Variants in ACYP2 observed in about 807,000 individuals in gnomAD.
ACYP2 encodes acylphosphatase 2.
Under a neutral mutation model 11.2 loss-of-function variants are expected in ACYP2, and 12 were observed. The observed-to-expected ratio is 1.08, with a 90% CI of 0.69 to 1.74. The LOEUF (loss-of-function observed/expected upper bound fraction) is 1.74, where lower values mean the gene tolerates loss of function less well. Among genes scored for constraint, ACYP2 ranks in the 40% most tolerant of loss-of-function variants. The pLI is 0.00. For synonymous variants in ACYP2, 43 were observed against 32.2 expected, an observed-to-expected ratio of 1.33 and a Z score of -1.13; for missense variants, 134 against 101.9, an observed-to-expected ratio of 1.31 and a Z score of -1.35.
chr2:54,127,376 A>G (rs1680589259), intron 4 of ACYP2, among the ~76,000 whole-genome samples: 1 of 152,206 alleles, frequency 6.6e-6, no homozygotes, highest in Non-Finnish European at 1.5e-5. Context: ...TACCATGCAC[A>G]TAATTATTTT....
intron 3 of ACYP2, among the ~76,000 whole-genome samples, chr2:54,053,054 A>G (rs1675948445): frequency 6.6e-6 from 1 of 152,194 alleles, no homozygotes; most frequent in Non-Finnish European, 1.5e-5. Context: ...ATTGAAGAAA[A>G]AAGGTGTTTT....
intron 4 of ACYP2, among the ~76,000 whole-genome samples, chr2:54,089,637 G>A (rs1678117605): frequency 6.6e-6 from 1 of 151,772 alleles, no homozygotes; most frequent in African/African-American, 2.4e-5. Flanking sequence ...CTACTCAGGG[G>A]GCTGAGGTGA....
chr2:54,099,905 C>T (rs925551804), intron 4 of ACYP2, among the ~76,000 whole-genome samples: 2 of 152,192 alleles, frequency 1.3e-5, no homozygotes, highest in Non-Finnish European at 2.9e-5. Flanking sequence ...TGTACACTCC[C>T]ACCAACAATG....
chr2:54,165,521 T>TTTCA (rs1314590918), intron 6 of ACYP2, among the ~76,000 whole-genome samples: 2 of 72,652 alleles, frequency 2.8e-5, no homozygotes, highest in African/African-American at 1.1e-4. Flanking sequence ...TTTCACTCTC[T>TTTCA]CTCTCTCTCT....
At chr2:54,283,359 G>A (rs1305571427) in intron 6 of ACYP2, among the ~76,000 whole-genome samples, 1 of 152,136 alleles carries the variant, frequency 6.6e-6, no homozygotes, top group African/African-American at 2.4e-5. Context: ...GAGCATTGAG[G>A]GCAGAGATGG....
intron 6 of ACYP2, among the ~76,000 whole-genome samples, chr2:54,243,229 C>T (rs1686806558): frequency 6.6e-6 from 1 of 152,108 alleles, no homozygotes; most frequent in Admixed American, 6.6e-5. Context: ...TAGGCAATTT[C>T]TTTGTTGTGC....
At chr2:53,972,210 T>C (rs985913360) in intron 1 of ACYP2, among the ~76,000 whole-genome samples, 17 of 149,984 alleles carry the variant, frequency 1.1e-4, no homozygotes, top group Non-Finnish European at 1.9e-4. Flanking sequence ...CTCGGGAGGC[T>C]GAGGCAGGAG....
chr2:53,992,061 C>T (rs1376168060), intron 2 of ACYP2, among the ~76,000 whole-genome samples: 3 of 151,488 alleles, frequency 2.0e-5, no homozygotes, highest in Admixed American at 2.0e-4. Context: ...CTCCCTCTTT[C>T]CTTCCTTTTT....
chr2:54,170,932 G>A (rs1334523156), intron 6 of ACYP2, among the ~76,000 whole-genome samples: 6 of 152,094 alleles, frequency 3.9e-5, no homozygotes, highest in Non-Finnish European at 4.4e-5. Context: ...GAGGTGCAGC[G>A]CCATCCAAGT....
intron 4 of ACYP2, 132 bp downstream of exon 1, chr2:54,115,888 C>A: frequency 1.7e-6 from 2 of 1,188,768 alleles, no homozygotes; most frequent in Non-Finnish European, 2.2e-6. Flanking sequence ...CATGACACAG[C>A]AGCGGCGGCG....
chr2:54,080,222 C>G (rs1677570475), intron 4 of ACYP2: 1 of 153,292 alleles, frequency 6.5e-6, no homozygotes, highest in Non-Finnish European at 1.5e-5. Flanking sequence ...TATCCGTAGG[C>G]TGCACATGGC....
At chr2:54,218,604 T>G (rs1484692) in intron 6 of ACYP2, among the ~76,000 whole-genome samples, 34,425 of 152,134 alleles carry the variant, frequency 0.23, 4,307 homozygotes, top group East Asian at 0.4. Context: ...GAAATCCAAT[T>G]AAAGTAACAT....
At position 54,255,776 on chromosome 2, in the gene ACYP2, C is replaced by T. The variant is rs778363624; in HGVS notation, c.405-48912C>T. 2.2e-5 allele frequency: 36 copies of T among 1,613,746 alleles called. No individual in the cohort carries two copies. Among genetic ancestry groups the T allele is most frequent in the African/African-American group, 2.7e-5 (2 of 74,928 alleles). ...GCCCCACAGGTTTCTAGAGCCTTCT[C>T]CCCACCTAGGCCGTGCGTCTCTTCA... On this transcript the variant is annotated intron_variant, in intron 6 of 6. Coordinates refer to ENST00000607452, the MANE Select transcript of ACYP2 (RefSeq NM_001320586.2).
chr2:54,304,607 T>C (rs1368900887), intron 6 of ACYP2, 81 bp from the exon 4 acceptor site: 4 of 908,790 alleles, frequency 4.4e-6, no homozygotes, highest in African/African-American at 3.4e-5. Flanking sequence ...AAACTCCCAT[T>C]AATACCTACT....
intron 2 of ACYP2, among the ~76,000 whole-genome samples, chr2:54,024,169 T>A (rs1330231971): frequency 6.6e-6 from 1 of 151,562 alleles, no homozygotes; most frequent in Non-Finnish European, 1.5e-5. Flanking sequence ...AGGTCAGGAG[T>A]CCTAGCTAAC....
At chr2:54,083,200 T>C (rs915961844) in intron 4 of ACYP2, among the ~76,000 whole-genome samples, 3 of 152,240 alleles carry the variant, frequency 2.0e-5, no homozygotes, top group African/African-American at 4.8e-5. Context: ...GGATCTGTTA[T>C]TGAAGCGAGC....
intron 2 of ACYP2, among the ~76,000 whole-genome samples, chr2:54,023,902 A>G (rs1008434004): frequency 6.6e-6 from 1 of 152,184 alleles, no homozygotes; most frequent in Non-Finnish European, 1.5e-5. Flanking sequence ...TGTTGACACT[A>G]TTCCAGAAGA....
At chr2:54,003,471 G>C (rs1344388265) in intron 2 of ACYP2, among the ~76,000 whole-genome samples, 3 of 151,982 alleles carry the variant, frequency 2.0e-5, no homozygotes, top group Admixed American at 1.3e-4. Context: ...TGTTGGTCAG[G>C]CTTGTCTTGA....
intron 2 of ACYP2, among the ~76,000 whole-genome samples, chr2:54,038,238 C>T (rs1344587439): frequency 1.3e-5 from 2 of 152,142 alleles, no homozygotes; most frequent in East Asian, 3.8e-4. Flanking sequence ...GCCTGGTAGA[C>T]ACCTCCTCAT....
Sources: gnomAD v4.1 joint callset for allele counts (sites outside exome capture counted in the v4.1 genomes callset) on GRCh38, gnomAD v4.1.1 for gene constraint, MANE v1.5 for transcripts, NCBI Gene and HGNC (gene_info 2026-07-23, HGNC 2026-07-21) for gene names.